Variants in LDB2 observed in about 807,000 individuals in gnomAD.
The protein encoded by LDB2 is LIM domain-binding protein 2.
Under a neutral mutation model 44.3 loss-of-function variants are expected in LDB2, and 12 were observed. The ratio of observed to expected loss-of-function variants is 0.27; its 90% CI spans 0.17 to 0.44. The LOEUF (loss-of-function observed/expected upper bound fraction) is 0.44, where lower values mean the gene tolerates loss of function less well. Among genes scored for constraint, LDB2 ranks in the 20% least tolerant of loss-of-function variants. The pLI is 1.00. For synonymous variants in LDB2, 164 were observed against 174.8 expected (o/e 0.94, Z 0.49); for missense variants, 344 against 473.5 (o/e 0.73, Z 2.54).
At chr4:16,566,887 GAAGAT>G (rs940413330) in intron 5 of LDB2, among the ~76,000 whole-genome samples, 2 of 152,052 alleles carry the variant, frequency 1.3e-5, no homozygotes, top group African/African-American at 2.4e-5. Context: ...AAGTATATGA[GAAGAT>G]AATAAATATC....
intron 1 of LDB2, among the ~76,000 whole-genome samples, chr4:16,861,183 C>A (rs1712422029): frequency 6.6e-6 from 1 of 152,134 alleles, no homozygotes; most frequent in African/African-American, 2.4e-5. Context: ...TGAGGAAAGT[C>A]AAGCACAGGC....
At chr4:16,669,413 G>T (rs1047102044) in intron 2 of LDB2, among the ~76,000 whole-genome samples, 6 of 152,014 alleles carry the variant, frequency 3.9e-5, no homozygotes, top group African/African-American at 1.4e-4. Context: ...AGGCCACATG[G>T]CTGATTCAGT....
chr4:16,625,384 A>G (rs1730004075), intron 2 of LDB2, among the ~76,000 whole-genome samples: 2 of 152,160 alleles, frequency 1.3e-5, no homozygotes, highest in Admixed American at 6.5e-5. Context: ...CCTTCTCCTC[A>G]GTAGTGACAG....
At chr4:16,801,617 A>G (rs998948890) in intron 1 of LDB2, among the ~76,000 whole-genome samples, 6 of 152,300 alleles carry the variant, frequency 3.9e-5, no homozygotes, top group Middle Eastern at 3.4e-3. Context: ...CTTTCGTTTA[A>G]CCACACAGAC....
intron 2 of LDB2, among the ~76,000 whole-genome samples, chr4:16,606,217 T>A (rs1723891684): frequency 6.6e-6 from 1 of 152,222 alleles, no homozygotes; most frequent in South Asian, 2.1e-4. Flanking sequence ...CAGCTTTAAA[T>A]ATGTTAGTGT....
chr4:16,745,356 C>A (rs532116037), intron 2 of LDB2, among the ~76,000 whole-genome samples: 1 of 152,188 alleles, frequency 6.6e-6, no homozygotes, highest in Non-Finnish European at 1.5e-5. Flanking sequence ...TTTAAGAACT[C>A]GTTTACTTAG....
rs58186199 is a variant in LDB2 at position 16,755,472 on chromosome 4, G to GGTGTGTGT, written c.235+3678_235+3685dup. ...TAGCTATGGCATGATGTAGGAATAG[G>GGTGTGTGT]GTGTGTGTGTGTGTGTGTGTGTGTG... On this transcript the variant is annotated intron_variant, in intron 2 of 7. Coordinates refer to ENST00000304523, the MANE Select transcript of LDB2 (RefSeq NM_001290.5). Among the ~76,000 whole-genome samples the GGTGTGTGT allele has an allele frequency of 6.8e-3, 801 of 118,206 alleles. 13 individuals are homozygous for GGTGTGTGT. Among genetic ancestry groups the GGTGTGTGT allele is most frequent in the African/African-American group, 0.016 (478 of 30,398 alleles). The allele number at this position is 118,206 out of a possible 152,430, so 77.5% of individuals were successfully genotyped here. A position where few individuals can be genotyped will look rare whatever the true frequency, so the allele number is the denominator to read the frequency against.
At chr4:16,834,309 A>C (rs1284253304) in intron 1 of LDB2, among the ~76,000 whole-genome samples, 1 of 152,244 alleles carries the variant, frequency 6.6e-6, no homozygotes, top group Non-Finnish European at 1.5e-5. Flanking sequence ...GCTTTGGGAA[A>C]AATGAATGAA....
chr4:16,511,822 A>G (rs1721865155), intron 6 of LDB2, 159 bp downstream of exon 6: 2 of 791,118 alleles, frequency 2.5e-6, no homozygotes, highest in South Asian at 2.4e-5. Flanking sequence ...GCCTGTCACA[A>G]ATTCATTGTC....
intron 1 of LDB2, among the ~76,000 whole-genome samples, chr4:16,781,128 G>A (rs1389917406): frequency 1.3e-5 from 2 of 152,142 alleles, no homozygotes; most frequent in African/African-American, 4.8e-5. Flanking sequence ...GAAGAGCTAA[G>A]ACTGTGGCCC....
intron 2 of LDB2, among the ~76,000 whole-genome samples, chr4:16,692,577 CT>C (rs1751051508): frequency 6.6e-6 from 1 of 151,152 alleles, no homozygotes; most frequent in Non-Finnish European, 1.5e-5. Flanking sequence ...TTTTCCTCTT[CT>C]TTTTTGGTAA....
At chr4:16,596,962 C>A (rs540477718) in intron 2 of LDB2, among the ~76,000 whole-genome samples, 12 of 152,178 alleles carry the variant, frequency 7.9e-5, no homozygotes, top group African/African-American at 2.9e-4. Context: ...TTTAATAAAT[C>A]TCTTACATTC....
intron 1 of LDB2, among the ~76,000 whole-genome samples, chr4:16,813,655 G>C (rs1222687847): frequency 1.3e-5 from 2 of 152,080 alleles, no homozygotes; most frequent in East Asian, 1.9e-4. Flanking sequence ...TGGTGAGGTA[G>C]AGAACTCAAA....
At chr4:16,628,761 G>A (rs1731027467) in intron 2 of LDB2, among the ~76,000 whole-genome samples, 1 of 152,146 alleles carries the variant, frequency 6.6e-6, no homozygotes. Context: ...TTGGACAGTG[G>A]GTGCAGCCCA....
intron 1 of LDB2, among the ~76,000 whole-genome samples, chr4:16,826,126 G>C (rs158271): frequency 0.38 from 56,962 of 151,718 alleles, 11,204 homozygotes; most frequent in East Asian, 0.61. Context: ...CTAATATGTA[G>C]ATAGGAGATA....
At chr4:16,509,961 A>G (rs1721060746) in intron 6 of LDB2, among the ~76,000 whole-genome samples, 1 of 152,110 alleles carries the variant, frequency 6.6e-6, no homozygotes, top group South Asian at 2.1e-4. Flanking sequence ...CAAAATATAC[A>G]CAGATTAGCC....
chr4:16,552,847 A>C (rs1012503285), intron 5 of LDB2, among the ~76,000 whole-genome samples: 3 of 152,192 alleles, frequency 2.0e-5, no homozygotes, highest in African/African-American at 7.2e-5. Context: ...AATCACAAGG[A>C]CTGATGTTCG....
intron 2 of LDB2, among the ~76,000 whole-genome samples, chr4:16,646,364 A>G (rs1736794539): frequency 6.6e-6 from 1 of 152,022 alleles, no homozygotes; most frequent in South Asian, 2.1e-4. Context: ...CTTCTTCCCA[A>G]CTCTTTACTC....
chr4:16,759,593 T>A (rs1336149897), intron 1 of LDB2, among the ~76,000 whole-genome samples: 2 of 152,128 alleles, frequency 1.3e-5, no homozygotes, highest in South Asian at 2.1e-4. Flanking sequence ...TACACTTGAC[T>A]TTTTTTTCTC....
Sources: allele counts gnomAD v4.1 joint callset (sites outside exome capture counted in the v4.1 genomes callset), GRCh38; gene constraint gnomAD v4.1.1; transcripts MANE v1.5; gene names NCBI Gene and HGNC (gene_info 2026-07-23, HGNC 2026-07-21).